Variants in FN1 observed in about 807,000 individuals in gnomAD.
FN1 encodes the protein fibronectin.
In FN1, 106 loss-of-function variants were observed where a neutral mutation model predicts 297.3. That is an observed-to-expected ratio of 0.36 (90% CI 0.30 to 0.42). The LOEUF (loss-of-function observed/expected upper bound fraction) is 0.42, where lower values mean the gene tolerates loss of function less well. FN1 is among the 10% of genes least tolerant of loss of function. FN1 has a pLI of 1.00. For synonymous variants in FN1, 1,149 were observed against 1,152.6 expected (o/e 1.00, Z 0.06); for missense variants, 2,690 against 3,124.9 (o/e 0.86, Z 3.32).
intron 9 of FN1, 117 bp from the exon 10 acceptor site, chr2:215,422,360 C>T: frequency 9.4e-7 from 1 of 1,059,578 alleles, no homozygotes; most frequent in Non-Finnish European, 1.5e-6. Flanking sequence ...TGGGAAGAAG[C>T]TTTGTGTGCA....
intron 12 of FN1, among the ~76,000 whole-genome samples, chr2:215,418,959 G>A (rs1226751737): frequency 2.0e-5 from 3 of 151,854 alleles, no homozygotes; most frequent in African/African-American, 4.9e-5. Context: ...ATGGATATAA[G>A]ATGAAATTAG....
chr2:215,409,724 C>T lies in FN1; in HGVS notation c.2138G>A (p.Gly713Glu). 1 of 1,614,100 alleles carries T rather than the reference C, an allele frequency of 6.2e-7. No individual in the cohort carries two copies. The highest frequency in any genetic ancestry group is 8.5e-7 in the Non-Finnish European group (1 of 1,179,992). ...STPVTSNTVT[G>E]ETTPFSPLVA... ...AAGAGGAGAAAAGGGAGTCGTCTCT[C>T]CTGTCACGGTGTTGCCTAGAGAGTC... The change falls in exon 15 of 46, where the codon GGA (glycine) becomes GAA (glutamate). Residue 713 changes from glycine (G) to glutamate (E), a missense_variant. This residue lies in a region of FN1 where 876 missense variants were observed against 1,058.1 expected (regional missense o/e 0.83). Coordinates refer to ENST00000354785, the MANE Select transcript of FN1 (RefSeq NM_212482.4).
intron 13 of FN1, among the ~76,000 whole-genome samples, chr2:215,412,549 G>A (rs1170084700): frequency 6.6e-6 from 1 of 152,000 alleles, no homozygotes; most frequent in Non-Finnish European, 1.5e-5. Flanking sequence ...CGATCCTTCC[G>A]CCTCAGCCTC....
chr2:215,404,641 T>C lies in FN1; in HGVS notation c.3001A>G (p.Thr1001Ala), dbSNP rs2061539294. The change falls in exon 20 of 46, where the codon ACT becomes GCT. Residue 1001 changes from threonine (T) to alanine (A), a missense_variant. This residue lies in a region of FN1 where 1,743 missense variants were observed against 1,945.2 expected (regional missense o/e 0.90). Coordinates refer to ENST00000354785, the MANE Select transcript of FN1 (RefSeq NM_212482.4). Reference sequence around the variant, plus strand: ...GTTTCATTGACAAACTGGAGGTTAGTGGGAGCATCCAGTTCTAGGAAAAAA... The same window carrying C: ...GTTTCATTGACAAACTGGAGGTTAGCGGGAGCATCCAGTTCTAGGAAAAAA... ...AQQTTKLDAP[T>A]NLQFVNETDS... The C allele has an allele frequency of 1.9e-6, 3 of 1,613,684 alleles. No homozygotes were observed. Among genetic ancestry groups the C allele is most frequent in the African/African-American group, 2.7e-5 (2 of 74,942 alleles).
In FN1 at chr2:215,409,589, T is replaced by G. The variant is rs747722578; in HGVS notation, c.2273A>C (p.Glu758Ala). The G allele has an allele frequency of 6.2e-7, 1 of 1,613,728 alleles. No individual in the cohort carries two copies. The stretch of plus-strand genomic sequence containing the variant: ...CAGGTACTGTGGCTCATCTCCCTCC[T>G]CACTCAGCTCATATTCCACCCGGAA... ...SGFRVEYELS[E>A]EGDEPQYLDL... is the part of the protein sequence containing the mutation. The change falls in exon 15 of 46, where the codon GAG becomes GCG. Residue 758 changes from glutamate (E) to alanine (A), a missense_variant. Glu to Ala is a moderately radical substitution (Grantham distance 107, BLOSUM62 -1). This residue lies in a region of FN1 where 876 missense variants were observed against 1,058.1 expected (regional missense o/e 0.83). Transcript: ENST00000354785.
At position 215,373,023 on chromosome 2, in the gene FN1, AAAG is replaced by A. The variant is rs912002592; in HGVS notation, c.6247+296_6247+298del. ...ATTTTAAAATTCAACAGAAGGTATAAAAGAAGAGCAATGATAGCTCTTCTTTTA... is the reference window on the plus strand; with the variant it reads ...ATTTTAAAATTCAACAGAAGGTATAAAAGAGCAATGATAGCTCTTCTTTTA... On this transcript the variant is annotated intron_variant, in intron 39 of 45. Transcript: ENST00000354785. Among the ~76,000 whole-genome samples, 38 of 152,208 alleles carry A rather than the reference AAAG, an allele frequency of 2.5e-4. 1 individual carries two copies. Among genetic ancestry groups the A allele is most frequent in the Non-Finnish European group, 2.9e-5 (2 of 68,028 alleles).
rs1559475686 is a variant in FN1, at chr2:215,401,247, A to AAGGAAGGAAGGAAGGAAGG, written c.3254-1897_3254-1896insCCTTCCTTCCTTCCTTCCT. ...GAAAGAAAGAAAGAAAGAAAGAAAG[A>AAGGAAGGAAGGAAGGAAGG]AAGGAAGAAAGAAAGGAAGGAAAGG... is the stretch of plus-strand genomic sequence containing the variant. On this transcript the variant is annotated intron_variant, in intron 20 of 45. Transcript: ENST00000354785. 1.2e-4 allele frequency among the ~76,000 whole-genome samples: 10 copies of AAGGAAGGAAGGAAGGAAGG among 80,152 alleles called. 1 individual carries two copies. Among genetic ancestry groups the AAGGAAGGAAGGAAGGAAGG allele is most frequent in the South Asian group, 4.8e-4 (1 of 2,098 alleles). The allele number at this position is 80,152 out of a possible 152,430, so 52.6% of individuals were successfully genotyped here.
Position 215,377,929 on chromosome 2 carries a change from C to T in FN1, c.5710+246G>A, listed in dbSNP as rs183533845. Among the ~76,000 whole-genome samples, 70 of 152,238 alleles carry T rather than the reference C, an allele frequency of 4.6e-4. 1 individual carries two copies. Among genetic ancestry groups the T allele is most frequent in the Non-Finnish European group, 4.4e-5 (3 of 68,030 alleles). On this transcript the variant is annotated intron_variant, in intron 35 of 45. Coordinates refer to ENST00000354785, the MANE Select transcript of FN1 (RefSeq NM_212482.4). Reference sequence around the variant, plus strand: ...AATCAAATTGATTTTCAAATTAGGACTCATTCCACTGTTAACATATAAATC... The same window carrying T: ...AATCAAATTGATTTTCAAATTAGGATTCATTCCACTGTTAACATATAAATC...
intron 15 of FN1, among the ~76,000 whole-genome samples, chr2:215,408,882 T>G (rs2062163825): frequency 6.6e-6 from 1 of 152,220 alleles, no homozygotes; most frequent in South Asian, 2.1e-4. Context: ...TCTGTGATTA[T>G]TAATGTACTA....
chr2:215,373,497 A>C, intron 38 of FN1, 86 bp from the exon 39 acceptor site: 2 of 1,055,998 alleles, frequency 1.9e-6, no homozygotes, highest in Admixed American at 3.4e-5. Flanking sequence ...CGCTACTGGG[A>C]GCAGGCACTT....
chr2:215,396,669 T>C (rs1460327954), intron 23 of FN1, among the ~76,000 whole-genome samples: 3 of 152,236 alleles, frequency 2.0e-5, no homozygotes, highest in African/African-American at 7.2e-5. Flanking sequence ...AGTTTTCTTA[T>C]TCTGTAAAAT....
intron 37 of FN1, 110 bp from the exon 38 acceptor site, chr2:215,375,503 G>A: frequency 1.6e-6 from 2 of 1,274,850 alleles, no homozygotes; most frequent in South Asian, 1.3e-5. Context: ...TGAGAATACT[G>A]TAAACCGGAA....
intron 42 of FN1, among the ~76,000 whole-genome samples, chr2:215,366,427 A>T (rs1456047479): frequency 6.6e-6 from 1 of 152,214 alleles, no homozygotes; most frequent in Non-Finnish European, 1.5e-5. Context: ...CACCTGTTTC[A>T]TGTACATGGG....
intron 11 of FN1, among the ~76,000 whole-genome samples, chr2:215,420,010 A>G (rs1467361159): frequency 6.6e-6 from 1 of 152,200 alleles, no homozygotes; most frequent in Non-Finnish European, 1.5e-5. Context: ...AGCTCTTTTA[A>G]GGCTCAGCCT....
intron 36 of FN1, among the ~76,000 whole-genome samples, chr2:215,376,254 A>G (rs975510943): frequency 5.3e-5 from 8 of 152,248 alleles, no homozygotes; most frequent in African/African-American, 1.9e-4. Context: ...AAAGGGCACA[A>G]TGATGGAAGA....
chr2:215,372,157 TTGTGGGCGG>T lies in FN1; in HGVS notation c.6457_6465del (p.Pro2153_Thr2155del). The T allele has an allele frequency of 1.2e-6, 2 of 1,614,192 alleles. No individual in the cohort carries two copies. The highest frequency in any genetic ancestry group is 8.5e-7 in the Non-Finnish European group (1 of 1,180,030). ...GGCCTATGCCTTATGGGGGTGGCCGTTGTGGGCGGTGTGGTCCGCCTAAAACCATGTTCC... is the reference window on the plus strand; with the variant it reads ...GGCCTATGCCTTATGGGGGTGGCCGTTGTGGTCCGCCTAAAACCATGTTCC... On this transcript the variant is annotated inframe_deletion, in exon 40 of 46. Coordinates refer to ENST00000354785, the MANE Select transcript of FN1 (RefSeq NM_212482.4).
rs3832178 is a variant in FN1 at position 215,399,215 on chromosome 2, C to CT, written c.3348+41dup. ...CACTACATGGGAACCACAAGGACAGCTCAGGGCTGTATCACAGAGATTAGG... is the reference window on the plus strand; with the variant it reads ...CACTACATGGGAACCACAAGGACAGCTTCAGGGCTGTATCACAGAGATTAGG... On this transcript the variant is annotated intron_variant, in intron 21 of 45. Transcript: ENST00000354785. The CT allele has an allele frequency of 0.57, 833,988 of 1,455,186 alleles. 244,413 individuals carry two copies. Among genetic ancestry groups the CT allele is most frequent in the East Asian group, 0.94 (41,604 of 44,050 alleles). 90.1% of individuals were successfully genotyped at this position (1,455,186 alleles called of 1,614,324 possible).
intron 13 of FN1, among the ~76,000 whole-genome samples, chr2:215,414,366 G>T (rs2063124700): frequency 6.6e-6 from 1 of 151,292 alleles, no homozygotes; most frequent in Admixed American, 6.6e-5. Flanking sequence ...AAATTCAGTG[G>T]GTCAAAAGTA....
At chr2:215,424,098 T>C (rs113421505) in intron 8 of FN1, 48 bp downstream of exon 8, 3 of 1,564,482 alleles carry the variant, frequency 1.9e-6, no homozygotes, top group Admixed American at 1.7e-5. Context: ...AACTAGGGCA[T>C]GAAAGTGAGT....
Sources: gnomAD v4.1 joint callset for allele counts (sites outside exome capture counted in the v4.1 genomes callset) on GRCh38, gnomAD v4.1.1 for gene constraint, gnomAD v4.1.1 regional missense constraint, MANE v1.5 for transcripts, NCBI Gene and HGNC (gene_info 2026-07-23, HGNC 2026-07-21) for gene names.